The following AOPEP variants were observed in gnomAD, a reference collection of about 807,000 sequenced individuals.
The protein encoded by AOPEP is aminopeptidase O (putative), also known as aminopeptidase O.
Under a neutral mutation model 98.1 loss-of-function variants are expected in AOPEP, and 77 were observed. That is an observed-to-expected ratio of 0.78 (90% CI 0.65 to 0.95). The LOEUF (loss-of-function observed/expected upper bound fraction) is 0.95. Ranked by LOEUF, AOPEP falls within the 40% of genes least tolerant of loss-of-function variation. AOPEP has a pLI of 0.00. For synonymous variants in AOPEP, 346 were observed against 365.3 expected, an observed-to-expected ratio of 0.95 and a Z score of 0.60; for missense variants, 1,024 against 1,024.7, an observed-to-expected ratio of 1.00 and a Z score of 0.01.
At chr9:94,917,091 A>G (rs1242727404) in intron 5 of AOPEP, among the ~76,000 whole-genome samples, 1 of 151,484 alleles carries the variant, frequency 6.6e-6, no homozygotes, top group Admixed American at 6.6e-5. Context: ...AAGGCAGAGC[A>G]GCTGAGGCAG....
intron 13 of AOPEP, chr9:95,022,405 T>G (rs531879688): frequency 2.0e-5 from 3 of 152,350 alleles, no homozygotes; most frequent in African/African-American, 7.2e-5. Context: ...TGGTGCGATC[T>G]TGGTTCACTG....
chr9:94,846,475 G>T (rs557675052), intron 5 of AOPEP, among the ~76,000 whole-genome samples: 25 of 152,312 alleles, frequency 1.6e-4, no homozygotes, highest in Admixed American at 2.6e-4. Flanking sequence ...AGTACAGGCA[G>T]CTCTTTCAGG....
chr9:95,135,263 C>G, the AOPEP span: 10 of 1,331,672 alleles, frequency 7.5e-6, no homozygotes, highest in Non-Finnish European at 3.2e-6. Context: ...GTTTACATCC[C>G]CCCCTTTCAT....
intron 2 of AOPEP, among the ~76,000 whole-genome samples, chr9:94,767,763 C>T (rs1243685176): frequency 6.6e-6 from 1 of 152,242 alleles, no homozygotes; most frequent in Non-Finnish European, 1.5e-5. Context: ...CATTTGCAGC[C>T]TTGTCCGTTT....
chr9:94,921,827 A>G (rs893423956), intron 5 of AOPEP, among the ~76,000 whole-genome samples: 4 of 152,098 alleles, frequency 2.6e-5, no homozygotes, highest in African/African-American at 9.7e-5. Flanking sequence ...TAGTGGGGTC[A>G]TTTGTATGGT....
chr9:95,132,878 T>C, the AOPEP span, among the ~76,000 whole-genome samples: 1 of 152,178 alleles, frequency 6.6e-6, no homozygotes, highest in East Asian at 1.9e-4. Flanking sequence ...AACTATAGAA[T>C]TTCCAGGACT....
chr9:94,802,492 CTCTTT>C (rs570961171), intron 5 of AOPEP, among the ~76,000 whole-genome samples: 21 of 152,280 alleles, frequency 1.4e-4, no homozygotes, highest in Admixed American at 1.1e-3. Context: ...TCTAAAGCTT[CTCTTT>C]TCAAGTTTGC....
At chr9:94,934,522 C>A in intron 7 of AOPEP, 1 of 152,206 alleles carries the variant, frequency 6.6e-6, no homozygotes. Context: ...CTGCTGCACC[C>A]TCATCTAATT....
chr9:94,882,640 G>A (rs1357887874), intron 5 of AOPEP, among the ~76,000 whole-genome samples: 2 of 152,234 alleles, frequency 1.3e-5, no homozygotes, highest in South Asian at 2.1e-4. Flanking sequence ...GCTGGATGTG[G>A]TGGTGGGAGC....
the AOPEP span, among the ~76,000 whole-genome samples, chr9:95,108,689 A>T: frequency 6.6e-6 from 1 of 152,234 alleles, no homozygotes; most frequent in Non-Finnish European, 1.5e-5. Context: ...ACTATGGAAA[A>T]TTTGAAAAGA....
At chr9:94,868,762 T>C (rs1377219980) in intron 5 of AOPEP, among the ~76,000 whole-genome samples, 1 of 152,228 alleles carries the variant, frequency 6.6e-6, no homozygotes, top group Non-Finnish European at 1.5e-5. Context: ...ATTTCATTCC[T>C]TTCCCTGCCC....
the AOPEP span, among the ~76,000 whole-genome samples, chr9:95,111,809 G>T: frequency 6.6e-6 from 1 of 152,340 alleles, no homozygotes; most frequent in Middle Eastern, 3.4e-3. Context: ...ACGCCACTCT[G>T]CACCATCACA....
intron 5 of AOPEP, chr9:94,824,175 T>G (rs1471024342): frequency 2.0e-5 from 3 of 152,210 alleles, no homozygotes; most frequent in Admixed American, 2.0e-4. Flanking sequence ...CACAACACGT[T>G]TTTTAGGAAC....
intron 1 of AOPEP, among the ~76,000 whole-genome samples, chr9:94,756,982 C>T (rs1044874292): frequency 2.6e-5 from 4 of 152,128 alleles, no homozygotes; most frequent in African/African-American, 7.2e-5. Flanking sequence ...TCATCAGTAG[C>T]GATATTTTGG....
chr9:94,815,171 C>T (rs887365488), intron 5 of AOPEP, among the ~76,000 whole-genome samples: 1 of 152,170 alleles, frequency 6.6e-6, no homozygotes, highest in Admixed American at 6.5e-5. Context: ...AAGGAGGGCC[C>T]CCCACCCAGG....
At chr9:94,795,586 G>A (rs1846749142) in intron 4 of AOPEP, among the ~76,000 whole-genome samples, 1 of 152,164 alleles carries the variant, frequency 6.6e-6, no homozygotes, top group Non-Finnish European at 1.5e-5. Context: ...GGAAGGCTAG[G>A]GGAAGGCAAA....
rs547885858 is a variant in AOPEP, at chr9:94,888,703, G to A, written c.1365-35283G>A. 2.0e-5 allele frequency among the ~76,000 whole-genome samples: 3 copies of A among 152,192 alleles called. No individual in the cohort carries two copies. The East Asian group carries it at 5.8e-4, about 29-fold the overall frequency. On this transcript the variant is annotated intron_variant, in intron 5 of 16. Transcript: ENST00000375315. ...GAATGGGTTGTCCCCTATGAGGTTG[G>A]GGTCTAGGGTTTTTATGGACTGGGA...
At chr9:95,094,612 T>G in the AOPEP span, among the ~76,000 whole-genome samples, 1 of 152,224 alleles carries the variant, frequency 6.6e-6, no homozygotes, top group South Asian at 2.1e-4. Context: ...TGATTTCATT[T>G]AACATAAAGT....
intron 3 of AOPEP, among the ~76,000 whole-genome samples, chr9:94,780,807 G>A (rs1290021484): frequency 1.3e-5 from 2 of 152,146 alleles, no homozygotes; most frequent in African/African-American, 2.4e-5. Context: ...GGCAAAGCGC[G>A]ACCCAGCAAG....
Sources: gnomAD v4.1 joint callset for allele counts (sites outside exome capture counted in the v4.1 genomes callset) on GRCh38, gnomAD v4.1.1 for gene constraint, MANE v1.5 for transcripts, NCBI Gene and HGNC (gene_info 2026-07-23, HGNC 2026-07-21) for gene names.